The following FOXN3 variants were observed in gnomAD, a reference collection of about 807,000 sequenced individuals.
FOXN3 encodes forkhead box N3, also known as forkhead box protein N3.
In FOXN3, 7 loss-of-function variants were observed where a neutral mutation model predicts 38.4. The observed-to-expected ratio is 0.18, with a 90% CI of 0.10 to 0.34. FOXN3 has a LOEUF of 0.34. Ranked by LOEUF, FOXN3 falls within the 10% of genes least tolerant of loss-of-function variation. The probability of loss-of-function intolerance (pLI) is 1.00; values close to 1 mark genes in which losing one functional copy is unlikely to be tolerated. For synonymous variants in FOXN3, 230 were observed against 242.2 expected, an observed-to-expected ratio of 0.95 and a Z score of 0.47; for missense variants, 456 against 613.4, an observed-to-expected ratio of 0.74 and a Z score of 2.71.
chr14:89,337,225 G>T (rs995661013), intron 3 of FOXN3, among the ~76,000 whole-genome samples: 7 of 152,196 alleles, frequency 4.6e-5, no homozygotes, highest in Non-Finnish European at 1.0e-4. Context: ...AGGTAGAGAA[G>T]GATAGCATTT....
intron 1 of FOXN3, among the ~76,000 whole-genome samples, chr14:89,472,845 G>C (rs955352180): frequency 6.6e-6 from 1 of 151,610 alleles, no homozygotes; most frequent in African/African-American, 2.4e-5. Context: ...CTTTCCAAAA[G>C]GTAAATTATA....
intron 3 of FOXN3, among the ~76,000 whole-genome samples, chr14:89,304,530 C>A (rs992417201): frequency 5.3e-5 from 8 of 152,094 alleles, no homozygotes; most frequent in African/African-American, 1.9e-4. Flanking sequence ...TTAAAAATAT[C>A]TAAGGGCTGT....
rs112298187 is a variant in FOXN3, at chr14:89,168,411, G to A, written c.852-5442C>T. Among the ~76,000 whole-genome samples the A allele has an allele frequency of 7.2e-3, 1,098 of 152,286 alleles. 6 individuals are homozygous for A. The highest frequency in any genetic ancestry group is 0.017 in the Middle Eastern group (5 of 294). ...CTACTCAAGAGGCTGAAGAGGAAGCGCTTGAGCCCAGGGGATCAAGACTAG... is the reference window on the plus strand; with the variant it reads ...CTACTCAAGAGGCTGAAGAGGAAGCACTTGAGCCCAGGGGATCAAGACTAG... On this transcript the variant is annotated intron_variant, in intron 5 of 5. Transcript: ENST00000557258.
rs1893480739 is a variant in FOXN3 at position 89,487,843 on chromosome 14, GA to G, written c.-14-75354del. Reference sequence around the variant, plus strand: ...GACATTTGTTTCTGTTTGGGGTGAGGAGTGGGGGGTGCCACGAAAGGAAGGC... The same window carrying G: ...GACATTTGTTTCTGTTTGGGGTGAGGGTGGGGGGTGCCACGAAAGGAAGGC... On this transcript the variant is annotated intron_variant, in intron 1 of 6. Transcript: ENST00000345097. 2.0e-5 allele frequency among the ~76,000 whole-genome samples: 3 copies of G among 152,260 alleles called. No individual in the cohort carries two copies. The South Asian group carries it at 6.2e-4, about 32-fold the overall frequency.
intron 1 of FOXN3, among the ~76,000 whole-genome samples, chr14:89,470,261 C>T (rs898450282): frequency 6.6e-6 from 1 of 150,496 alleles, no homozygotes; most frequent in Non-Finnish European, 1.5e-5. Context: ...AGGGAATCAA[C>T]CTACAATTAT....
chr14:89,228,327 G>A (rs1388440084), intron 4 of FOXN3, among the ~76,000 whole-genome samples: 2 of 152,180 alleles, frequency 1.3e-5, no homozygotes, highest in African/African-American at 4.8e-5. Flanking sequence ...GTACCCTCAA[G>A]ATGTTCTTCC....
chr14:89,467,648 C>A (rs1394175667), intron 1 of FOXN3, among the ~76,000 whole-genome samples: 1 of 148,802 alleles, frequency 6.7e-6, no homozygotes, highest in South Asian at 2.1e-4. Flanking sequence ...CATATGGGGT[C>A]TCACTGTGTT....
At chr14:89,550,215 C>T (rs1001210662) in intron 1 of FOXN3, among the ~76,000 whole-genome samples, 8 of 152,180 alleles carry the variant, frequency 5.3e-5, no homozygotes, top group Admixed American at 2.0e-4. Flanking sequence ...ATCCATGTTC[C>T]GCCACCCATC....
intron 2 of FOXN3, 83 bp downstream of exon 2, chr14:89,411,851 A>G: frequency 2.2e-6 from 2 of 897,258 alleles, no homozygotes; most frequent in Non-Finnish European, 3.1e-6. Context: ...CAATGTGGTG[A>G]ATAGAAATTC....
intron 4 of FOXN3, among the ~76,000 whole-genome samples, chr14:89,262,785 A>G (rs1431996100): frequency 6.6e-6 from 1 of 152,220 alleles, no homozygotes; most frequent in African/African-American, 2.4e-5. Context: ...GAAACCTAAG[A>G]GGCAGCATTA....
At chr14:89,341,710 A>T (rs1888620081) in intron 3 of FOXN3, among the ~76,000 whole-genome samples, 1 of 152,206 alleles carries the variant, frequency 6.6e-6, no homozygotes. Context: ...TCTACAAGAC[A>T]AAGTGCCGCC....
At chr14:89,473,555 G>C (rs1261253351) in intron 1 of FOXN3, among the ~76,000 whole-genome samples, 2 of 151,958 alleles carry the variant, frequency 1.3e-5, no homozygotes, top group African/African-American at 2.4e-5. Context: ...TTTTTGTAGA[G>C]ATAGGGTCTT....
chr14:89,529,170 C>G (rs1228879521), intron 1 of FOXN3, among the ~76,000 whole-genome samples: 1 of 152,116 alleles, frequency 6.6e-6, no homozygotes, highest in Non-Finnish European at 1.5e-5. Context: ...CTCATCCTAT[C>G]TTCTGAAAAT....
chr14:89,505,891 C>CGTCTGGGAT (rs1452307956), intron 1 of FOXN3, among the ~76,000 whole-genome samples: 1 of 150,264 alleles, frequency 6.7e-6, no homozygotes, highest in African/African-American at 2.4e-5. Context: ...CCTGCCGCCC[C>CGTCTGGGAT]GTCTGGGATG....
At chr14:89,439,220 A>T (rs558793823) in intron 1 of FOXN3, among the ~76,000 whole-genome samples, 8 of 152,146 alleles carry the variant, frequency 5.3e-5, no homozygotes, top group Admixed American at 3.9e-4. Context: ...TGAGGTAGGT[A>T]CTCTCAGAGG....
chr14:89,432,617 C>T (rs1031691438), intron 1 of FOXN3, among the ~76,000 whole-genome samples: 1 of 152,084 alleles, frequency 6.6e-6, no homozygotes, highest in African/African-American at 2.4e-5. Flanking sequence ...CTTAAAGATC[C>T]CCATGTCCCT....
At position 89,162,839 on chromosome 14, in the gene FOXN3, G is replaced by A; in HGVS notation, c.982C>T (p.Pro328Ser). ...AKSSNARSTS[P>S]TSDSISSSSS... The stretch of plus-strand genomic sequence containing the variant: ...GAGGAGGAGATGGAGTCGCTGGTGG[G>A]CGAGGTGCTCCGGGCGTTGGAGGAC... Residue 328 changes from proline to serine, a missense_variant, in exon 6 of 6, where the codon CCC becomes TCC. Transcript: ENST00000557258. This position sits in a 1 kb window ranked among gnomAD's most constrained non-coding sequence, Gnocchi z 7.2. 6.2e-7 allele frequency: 1 copy of A among 1,611,840 alleles called. No homozygotes were observed. Among genetic ancestry groups the A allele is most frequent in the South Asian group, 1.1e-5 (1 of 91,066 alleles).
At position 89,559,584 on chromosome 14, in the gene FOXN3, G is replaced by A. The variant is rs566978908; in HGVS notation, c.-15+59444C>T. On this transcript the variant is annotated intron_variant, in intron 1 of 6. Coordinates refer to the FOXN3 transcript ENST00000345097. Reference sequence around the variant, plus strand: ...CCAGCTACTTGGGAGGCTGAGGCAGGAGAGTTGCTTGAATCCAGGAGGCGG... The same window carrying A: ...CCAGCTACTTGGGAGGCTGAGGCAGAAGAGTTGCTTGAATCCAGGAGGCGG... Among the ~76,000 whole-genome samples, 5 of 152,272 alleles carry A rather than the reference G, an allele frequency of 3.3e-5. No homozygotes were observed. In the South Asian group the frequency reaches 6.2e-4, roughly 19 times the overall value.
chr14:89,607,711 A>C (rs975214015), intron 1 of FOXN3, among the ~76,000 whole-genome samples: 1 of 152,116 alleles, frequency 6.6e-6, no homozygotes, highest in Admixed American at 6.5e-5. Flanking sequence ...GAACCCAACC[A>C]ATCTTTCTTT....
Sources: allele counts gnomAD v4.1 joint callset (sites outside exome capture counted in the v4.1 genomes callset), GRCh38; gene constraint gnomAD v4.1.1; non-coding constraint Gnocchi (gnomAD v3.1); transcripts MANE v1.5; gene names NCBI Gene and HGNC (gene_info 2026-07-23, HGNC 2026-07-21).